Variants in SLC27A4 observed in about 807,000 individuals in gnomAD.
SLC27A4 encodes the protein solute carrier family 27 member 4, also known as long-chain fatty acid transport protein 4.
A neutral mutation model predicts 64.4 loss-of-function variants in SLC27A4; 33 were observed. The observed-to-expected ratio is 0.51, with a 90% CI of 0.39 to 0.68. The LOEUF (loss-of-function observed/expected upper bound fraction) is 0.68, where lower values mean the gene tolerates loss of function less well. Among genes scored for constraint, SLC27A4 ranks in the 30% least tolerant of loss-of-function variants. The pLI, the probability that SLC27A4 is intolerant of heterozygous loss-of-function variation, is 0.00. For synonymous variants in SLC27A4, 377 were observed against 370.0 expected (o/e 1.02, Z -0.22); for missense variants, 824 against 883.5 (o/e 0.93, Z 0.85).
At position 128,355,806 on chromosome 9, in the gene SLC27A4, TC is replaced by T; in HGVS notation, c.1774+14del. The T allele has an allele frequency of 1.2e-6, 2 of 1,612,570 alleles. No individual in the cohort carries two copies. Among genetic ancestry groups the T allele is most frequent in the Non-Finnish European group, 8.5e-7 (1 of 1,180,012 alleles). On this transcript the variant is annotated intron_variant, in intron 12 of 12. Transcript: ENST00000300456. ...GAGCTGCACAAAACAGGTGTGTCCC[TC>T]CCCTGCTCCAGCTCTCGGATCCCAG...
intron 4 of SLC27A4, 47 bp from the exon 5 acceptor site, chr9:128,350,265 C>T (rs1564400933): frequency 6.4e-7 from 1 of 1,556,066 alleles, no homozygotes; most frequent in East Asian, 2.2e-5. Flanking sequence ...GACCCTTTGC[C>T]CAGCCCTGAG....
Position 128,343,139 on chromosome 9 carries a change from C to G in SLC27A4, c.7C>G (p.Leu3Val), listed in dbSNP as rs1250886899. The G allele has an allele frequency of 1.9e-6, 3 of 1,613,604 alleles. No individual in the cohort carries two copies. The African/African-American group carries it at 4.0e-5, about 22-fold the overall frequency. ...CCTGTGTCCGCAGGCCACAATGCTG[C>G]TTGGAGCCTCTCTGGTGGGGGTGCT... ML[L>V]GASLVGVLLF... Residue 3 changes from leucine (L) to valine (V), a missense_variant, in exon 2 of 13, where the codon CTT becomes GTT. Leu to Val is a conservative substitution (Grantham distance 32). Transcript: ENST00000300456.
intron 6 of SLC27A4, among the ~76,000 whole-genome samples, chr9:128,350,908 A>G (rs1832725717): frequency 6.6e-6 from 1 of 152,212 alleles, no homozygotes; most frequent in Non-Finnish European, 1.5e-5. Flanking sequence ...CCTGGCTAAC[A>G]CGGTGAAACC....
Position 128,360,751 on chromosome 9 carries a change from T to C in SLC27A4, c.*260T>C, listed in dbSNP as rs948898716. On this transcript the variant is annotated 3_prime_UTR_variant, in exon 13 of 13. Transcript: ENST00000300456. ...GTTCCCAGGCTGAGACTGACGGGTT[T>C]TCTCAGGATGATGTCTTGGGTGAGG... 15 of 509,702 alleles carry C rather than the reference T, an allele frequency of 2.9e-5. No homozygotes were observed. The East Asian group carries it at 5.4e-4, about 18-fold the overall frequency. The allele number at this position is 509,702 out of a possible 1,614,324, so 31.6% of individuals were successfully genotyped here.
intron 1 of SLC27A4, among the ~76,000 whole-genome samples, chr9:128,341,739 CTT>C (rs962246168): frequency 1.3e-5 from 2 of 151,782 alleles, no homozygotes; most frequent in Admixed American, 1.3e-4. Context: ...GAGCCAGAGA[CTT>C]TTTTTTTCTT....
intron 4 of SLC27A4, among the ~76,000 whole-genome samples, chr9:128,349,738 C>T (rs529885870): frequency 3.9e-5 from 6 of 152,218 alleles, no homozygotes; most frequent in Admixed American, 1.3e-4. Context: ...CTGGTAGGGC[C>T]GAGCCTCACA....
In SLC27A4 at chr9:128,360,450, G is replaced by A; in HGVS notation, c.1891G>A (p.Glu631Lys). 1 of 1,614,074 alleles carries A rather than the reference G, an allele frequency of 6.2e-7. No homozygotes were observed. Among genetic ancestry groups the A allele is most frequent in the South Asian group, 1.1e-5 (1 of 91,084 alleles). Residue 631 changes from glutamate to lysine, a missense_variant, in exon 13 of 13, where the codon GAG becomes AAG. By Grantham distance (56) the Glu-to-Lys change is moderately conservative (BLOSUM62 1). Coordinates refer to ENST00000300456, the MANE Select transcript of SLC27A4 (RefSeq NM_005094.4). The part of the protein sequence containing the change: ...QKGRYVPLDQ[E>K]AYSRIQAGEE... Reference sequence around the variant, plus strand: ...GGGCCGCTACGTCCCGCTGGACCAAGAGGCCTACAGCCGCATCCAGGCAGG... The same window carrying A: ...GGGCCGCTACGTCCCGCTGGACCAAAAGGCCTACAGCCGCATCCAGGCAGG...
In SLC27A4 at chr9:128,353,039, T is replaced by G. The variant is rs763958515; in HGVS notation, c.1002T>G (p.Ile334Met). Residue 334 changes from isoleucine (I) to methionine (M), a missense_variant, in exon 8 of 13, where the codon ATT becomes ATG. Physicochemically the swap from Ile to Met is conservative, Grantham distance 10 (BLOSUM62 1). Coordinates refer to ENST00000300456, the MANE Select transcript of SLC27A4 (RefSeq NM_005094.4). This position sits in a 1 kb window ranked among gnomAD's most constrained non-coding sequence, Gnocchi z 4.9. ...IKYNCTIVQY[I>M]GELCRYLLNQ... Reference sequence around the variant, plus strand: ...TTCACCCCCAGATTGTGCAGTACATTGGTGAACTGTGCCGCTACCTCCTGA... The same window carrying G: ...TTCACCCCCAGATTGTGCAGTACATGGGTGAACTGTGCCGCTACCTCCTGA... The G allele has an allele frequency of 7.4e-6, 12 of 1,613,578 alleles. No individual in the cohort carries two copies. Among genetic ancestry groups the G allele is most frequent in the Non-Finnish European group, 9.3e-6 (11 of 1,179,770 alleles).
chr9:128,348,994 C>T (rs369335316), intron 4 of SLC27A4, among the ~76,000 whole-genome samples: 1 of 119,772 alleles, frequency 8.3e-6, no homozygotes, highest in Non-Finnish European at 1.6e-5. Context: ...GCCTAATGGG[C>T]AGAATCCTGT....
Position 128,360,576 on chromosome 9 carries a change from C to A in SLC27A4, c.*85C>A. The A allele has an allele frequency of 6.8e-7, 1 of 1,477,350 alleles. No homozygotes were observed. Among genetic ancestry groups the A allele is most frequent in the Non-Finnish European group, 9.4e-7 (1 of 1,068,708 alleles). The allele number at this position is 1,477,350 out of a possible 1,614,324, so 91.5% of individuals were successfully genotyped here. A position where few individuals can be genotyped will look rare whatever the true frequency, so the allele number is the denominator to read the frequency against. ...AGAGCGGTCCTGGACAAGGCCAGAC[C>A]AAAGCAAGCAGGGCCTGGCACCTCC... On this transcript the variant is annotated 3_prime_UTR_variant, in exon 13 of 13. Coordinates refer to ENST00000300456, the MANE Select transcript of SLC27A4 (RefSeq NM_005094.4).
In SLC27A4 at chr9:128,360,662, TC is replaced by T; in HGVS notation, c.*173del. On this transcript the variant is annotated 3_prime_UTR_variant, in exon 13 of 13. Coordinates refer to ENST00000300456, the MANE Select transcript of SLC27A4 (RefSeq NM_005094.4). ...AGTGACTCATTGCCTTCCCAACCCTTCCAGAGGCTTTCTGTGAAAGTCTCAT... is the reference window on the plus strand; with the variant it reads ...AGTGACTCATTGCCTTCCCAACCCTTCAGAGGCTTTCTGTGAAAGTCTCAT... 2 of 650,646 alleles carry T rather than the reference TC, an allele frequency of 3.1e-6. No homozygotes were observed. Among genetic ancestry groups the T allele is most frequent in the Non-Finnish European group, 5.3e-6 (2 of 378,224 alleles). The allele number at this position is 650,646 out of a possible 1,614,324, so 40.3% of individuals were successfully genotyped here. A position where few individuals can be genotyped will look rare whatever the true frequency, so the allele number is the denominator to read the frequency against.
intron 6 of SLC27A4, among the ~76,000 whole-genome samples, chr9:128,351,944 T>C (rs1305544132): frequency 1.3e-5 from 2 of 149,564 alleles, no homozygotes; most frequent in Admixed American, 6.7e-5. Context: ...CCCAACACTT[T>C]GGGAGGCCGA....
intron 12 of SLC27A4, among the ~76,000 whole-genome samples, chr9:128,357,481 A>G (rs1419902178): frequency 6.6e-6 from 1 of 152,112 alleles, no homozygotes; most frequent in Admixed American, 6.5e-5. Flanking sequence ...GGTCAGACTC[A>G]TGCTCTACAA....
chr9:128,360,591 C>T lies in SLC27A4; in HGVS notation c.*100C>T. On this transcript the variant is annotated 3_prime_UTR_variant, in exon 13 of 13. Coordinates refer to ENST00000300456, the MANE Select transcript of SLC27A4 (RefSeq NM_005094.4). The stretch of plus-strand genomic sequence containing the variant: ...AAGGCCAGACCAAAGCAAGCAGGGC[C>T]TGGCACCTCCATCCTGAGGTGCTGC... The T allele has an allele frequency of 7.8e-7, 1 of 1,290,070 alleles. No homozygotes were observed. The allele number at this position is 1,290,070 out of a possible 1,614,324, so 79.9% of individuals were successfully genotyped here.
chr9:128,346,536 A>C (rs1832659823), intron 3 of SLC27A4, among the ~76,000 whole-genome samples: 1 of 151,820 alleles, frequency 6.6e-6, no homozygotes, highest in Non-Finnish European at 1.5e-5. Context: ...GCCCGGCCTA[A>C]AAAAAGTTTT....
At position 128,355,655 on chromosome 9, in the gene SLC27A4, G is replaced by A. The variant is rs756888086; in HGVS notation, c.1633G>A (p.Glu545Lys). The change falls in exon 12 of 13, where the codon GAG becomes AAG. Residue 545 changes from glutamate to lysine, a missense_variant. Coordinates refer to ENST00000300456, the MANE Select transcript of SLC27A4 (RefSeq NM_005094.4). Reference protein sequence around the residue: ...AVYGVEVPGTEGRAGMAAVAS... With the variant: ...AVYGVEVPGTKGRAGMAAVAS... Reference sequence around the variant, plus strand: ...GTCTACCCTGCCACCCCCAGGAACCGAGGGCCGGGCCGGAATGGCTGCTGT... The same window carrying A: ...GTCTACCCTGCCACCCCCAGGAACCAAGGGCCGGGCCGGAATGGCTGCTGT... The A allele has an allele frequency of 3.1e-6, 5 of 1,610,542 alleles. No individual in the cohort carries two copies. The highest frequency in any genetic ancestry group is 1.1e-5 in the South Asian group (1 of 91,086).
chr9:128,353,425 G>A lies in SLC27A4; in HGVS notation c.1208G>A (p.Cys403Tyr), dbSNP rs2131266064. The change falls in exon 9 of 13, where the codon TGT becomes TAT. Residue 403 changes from cysteine to tyrosine, a missense_variant. Physicochemically the swap from Cys to Tyr is radical, Grantham distance 194. Coordinates refer to ENST00000300456, the MANE Select transcript of SLC27A4 (RefSeq NM_005094.4). The surrounding 1 kb of genome is among the most constrained non-coding windows in gnomAD (Gnocchi z 4.9). ...TCTTGGCCTTCGCAGGTGGGGGCCT[G>A]TGGTTTCAATAGCCGCATCCTGTCC... is the stretch of plus-strand genomic sequence containing the variant. ...LGNFDSQVGA[C>Y]GFNSRILSFV... 1 of 1,614,206 alleles carries A rather than the reference G, an allele frequency of 6.2e-7. No homozygotes were observed. The highest frequency in any genetic ancestry group is 8.5e-7 in the Non-Finnish European group (1 of 1,180,042).
chr9:128,341,625 T>C (rs1383032143), intron 1 of SLC27A4, among the ~76,000 whole-genome samples: 1 of 152,198 alleles, frequency 6.6e-6, no homozygotes, highest in Non-Finnish European at 1.5e-5. Context: ...CTGCGATACC[T>C]GAGTCTATGG....
In SLC27A4 at chr9:128,340,759, G is replaced by T; in HGVS notation, c.-86G>T. ...ACCCGGCTCCGTGCGTCCAGGGGCGGCTAATGCCCCTCACGCTGTCTACGC... is the reference window on the plus strand; with the variant it reads ...ACCCGGCTCCGTGCGTCCAGGGGCGTCTAATGCCCCTCACGCTGTCTACGC... On this transcript the variant is annotated 5_prime_UTR_variant, in exon 1 of 13. Transcript: ENST00000300456. 1.5e-6 allele frequency: 1 copy of T among 668,128 alleles called. No individual in the cohort carries two copies. Among genetic ancestry groups the T allele is most frequent in the Non-Finnish European group, 2.8e-6 (1 of 362,590 alleles). The allele number at this position is 668,128 out of a possible 1,614,324, so 41.4% of individuals were successfully genotyped here. A position where few individuals can be genotyped will look rare whatever the true frequency, so the allele number is the denominator to read the frequency against.
Sources: allele counts gnomAD v4.1 joint callset (sites outside exome capture counted in the v4.1 genomes callset), GRCh38; gene constraint gnomAD v4.1.1; non-coding constraint Gnocchi (gnomAD v3.1); transcripts MANE v1.5; gene names NCBI Gene and HGNC (gene_info 2026-07-23, HGNC 2026-07-21).